ASPM: variants seen among roughly 807,000 people sequenced by gnomAD.
ASPM encodes the protein assembly factor for spindle microtubules, also known as abnormal spindle-like microcephaly-associated protein.
ASPM carries 256 observed loss-of-function variants against 366.4 expected under a neutral mutation model. The ratio of observed to expected loss-of-function variants is 0.70; its 90% confidence interval spans 0.63 to 0.77. The LOEUF is 0.77. Among genes scored for constraint, ASPM ranks in the 30% least tolerant of loss-of-function variants. The pLI, the probability that ASPM is intolerant of heterozygous loss-of-function variation, is 0.00. For missense variants in ASPM, 4,146 were observed against 4,090.4 expected (o/e 1.01, Z -0.37); for synonymous variants, 1,414 against 1,342.9 (o/e 1.05, Z -1.16).
chr1:197,110,508 A>C (rs940338839), intron 17 of ASPM, among the ~76,000 whole-genome samples: 3 of 152,088 alleles, frequency 2.0e-5, no homozygotes, highest in Non-Finnish European at 2.9e-5. Flanking sequence ...CCATAAAAGA[A>C]GAAAAGTGAT....
chr1:197,110,425 A>G (rs1484288980), intron 17 of ASPM, among the ~76,000 whole-genome samples: 3 of 152,114 alleles, frequency 2.0e-5, no homozygotes, highest in Non-Finnish European at 4.4e-5. Context: ...CACAAAATAC[A>G]TCATAGGTCA....
chr1:197,129,359 A>G, intron 8 of ASPM, 42 bp from the exon 9 acceptor site: 1 of 1,596,498 alleles, frequency 6.3e-7, no homozygotes, highest in Non-Finnish European at 8.6e-7. Flanking sequence ...TAATCTATGA[A>G]AGGTAGGTTT....
At chr1:197,121,595 CA>C (rs1275244851) in intron 16 of ASPM, among the ~76,000 whole-genome samples, 1 of 152,002 alleles carries the variant, frequency 6.6e-6, no homozygotes, top group African/African-American at 2.4e-5. Context: ...GGTTAGATTC[CA>C]ACAGGAGGAA....
At position 197,139,773 on chromosome 1, in the gene ASPM, TTAATG is replaced by T; in HGVS notation, c.2015_2019del (p.Pro672GlnfsTer19). 1 of 1,596,414 alleles carries T rather than the reference TTAATG, an allele frequency of 6.3e-7. No homozygotes were observed. Among genetic ancestry groups the T allele is most frequent in the Non-Finnish European group, 8.6e-7 (1 of 1,163,904 alleles). ...AAGTATAATAAATACTTGCCTGTTT[TTAATG>T]GTTTTATGAAGGTCAAACTGGACTG... On this transcript the variant is annotated frameshift_variant, in exon 4 of 28. Transcript: ENST00000367409. LOFTEE classifies it high-confidence loss of function.
At position 197,103,541 on chromosome 1, in the gene ASPM, T is replaced by C. The variant is rs768910486; in HGVS notation, c.5710A>G (p.Ile1904Val). Residue 1904 changes from isoleucine to valine, a missense_variant, in exon 18 of 28, where the codon ATT (isoleucine) becomes GTT (valine). This residue lies in a region of ASPM where 3,624 missense variants were observed against 3,591.7 expected (regional missense o/e 1.01). Coordinates refer to ENST00000367409, the MANE Select transcript of ASPM (RefSeq NM_018136.5). ...TTGGCCATTCTAAAAGCAGACTGAA[T>C]CTTCAAGGCAGCTTGATGTTCCCTT... ...IRREHQAALKIQSAFRMAKAQ... is the reference protein window; with the variant it reads ...IRREHQAALKVQSAFRMAKAQ... 21 of 1,613,214 alleles carry C rather than the reference T, an allele frequency of 1.3e-5. No homozygotes were observed. Among genetic ancestry groups the C allele is most frequent in the Admixed American group, 1.7e-5 (1 of 59,822 alleles).
At chr1:197,098,576 A>G (rs376243697) in intron 18 of ASPM, among the ~76,000 whole-genome samples, 12 of 151,678 alleles carry the variant, frequency 7.9e-5, no homozygotes, top group Non-Finnish European at 1.8e-4. Context: ...TGAACTTCTC[A>G]GTAGTGTTAG....
At chr1:197,128,319 A>C (rs1038158999) in intron 10 of ASPM, among the ~76,000 whole-genome samples, 171 bp downstream of exon 10, 3 of 149,732 alleles carry the variant, frequency 2.0e-5, no homozygotes, top group African/African-American at 7.3e-5. Flanking sequence ...GTTTCTGGAC[A>C]TAACATTGAT....
At chr1:197,092,774 A>T (rs569762033) in intron 21 of ASPM, among the ~76,000 whole-genome samples, 1 of 151,956 alleles carries the variant, frequency 6.6e-6, no homozygotes, top group South Asian at 2.1e-4. Context: ...CCTCTCTCTC[A>T]TATTTTCAGT....
At chr1:197,094,607 T>C (rs1656908416) in intron 19 of ASPM, among the ~76,000 whole-genome samples, 6 of 151,678 alleles carry the variant, frequency 4.0e-5, no homozygotes. Context: ...ACAAGCAGCA[T>C]CAGGTACTTC....
Position 197,144,044 on chromosome 1 carries a change from T to C in ASPM, c.354A>G (p.Val118=). Residue 118 remains valine, a synonymous_variant, in exon 2 of 28, where the codon GTA becomes GTG. Coordinates refer to ENST00000367409, the MANE Select transcript of ASPM (RefSeq NM_018136.5). The part of the protein sequence containing the change: ...VNWTPLKEGR[V]REIMTFLVND... ...TTACAAGAAATGTCATAATCTCTCT[T>C]ACTCGGCCTTCTTTGAGTGGTGTCC... The C allele has an allele frequency of 1.2e-6, 2 of 1,610,968 alleles. No homozygotes were observed. Among genetic ancestry groups the C allele is most frequent in the Non-Finnish European group, 1.7e-6 (2 of 1,177,396 alleles).
Position 197,135,085 on chromosome 1 carries a change from T to G in ASPM, c.2173+11A>C. On this transcript the variant is annotated intron_variant, in intron 5 of 27. Coordinates refer to ENST00000367409, the MANE Select transcript of ASPM (RefSeq NM_018136.5). ...AGTATTATTAAATTTAAACATTAAT[T>G]TAACGTTTACCTTCAGAAATATTTG... 3 of 1,528,350 alleles carry G rather than the reference T, an allele frequency of 2.0e-6. No homozygotes were observed. The highest frequency in any genetic ancestry group is 2.7e-6 in the Non-Finnish European group (3 of 1,108,824). The allele number at this position is 1,528,350 out of a possible 1,614,324, so 94.7% of individuals were successfully genotyped here. A position where few individuals can be genotyped will look rare whatever the true frequency, so the allele number is the denominator to read the frequency against.
rs1486373174 is a variant in ASPM, at chr1:197,124,323, A to T, written c.3177T>A (p.Ile1059=). Residue 1059 remains isoleucine, a synonymous_variant, in exon 13 of 28, where the codon ATT becomes ATA. Transcript: ENST00000367409. Reference sequence around the variant, plus strand: ...CCTTTAATTGATCTAAGTTAAGGGAAATATCCACCTAAAACAAACACAAAA... The same window carrying T: ...CCTTTAATTGATCTAAGTTAAGGGATATATCCACCTAAAACAAACACAAAA... ...WKIAFAFQVD[I]SLNLDQLKEE... The T allele has an allele frequency of 6.4e-7, 1 of 1,565,056 alleles. No homozygotes were observed. Among genetic ancestry groups the T allele is most frequent in the Non-Finnish European group, 8.8e-7 (1 of 1,138,360 alleles).
In ASPM at chr1:197,138,446, G is replaced by A. The variant is rs141962341; in HGVS notation, c.2026+1321C>T. ...CCAAGCAGCTGGGACCACAGGTACC[G>A]GCCACCAAGCCCAGCCAACTCTTGT... On this transcript the variant is annotated intron_variant, in intron 4 of 27. Coordinates refer to ENST00000367409, the MANE Select transcript of ASPM (RefSeq NM_018136.5). Among the ~76,000 whole-genome samples the A allele has an allele frequency of 7.4e-4, 113 of 152,182 alleles. 1 individual carries two copies. In the East Asian group the frequency reaches 0.021, roughly 28 times the overall value.
chr1:197,137,552 G>A (rs1430841011), intron 4 of ASPM, among the ~76,000 whole-genome samples: 11 of 152,160 alleles, frequency 7.2e-5, no homozygotes, highest in Non-Finnish European at 1.2e-4. Context: ...CACAATCTCT[G>A]TTCACTGCAC....
chr1:197,128,531 A>G lies in ASPM; in HGVS notation c.2895T>C (p.Val965=), dbSNP rs557207658. 6.8e-6 allele frequency: 11 copies of G among 1,613,928 alleles called. No homozygotes were observed. The highest frequency in any genetic ancestry group is 2.2e-5 in the East Asian group (1 of 44,864). The change falls in exon 10 of 28, where the codon GTT becomes GTC. Residue 965 remains valine, a synonymous_variant. Transcript: ENST00000367409. Reference sequence around the variant, plus strand: ...ATTGCAAGTCTACGGCAAGATTTGTAACGGCAAAATCAAATTCATCAAATG... The same window carrying G: ...ATTGCAAGTCTACGGCAAGATTTGTGACGGCAAAATCAAATTCATCAAATG... ...QTPFDEFDFA[V]TNLAVDLQCG...
In ASPM at chr1:197,102,277, C is replaced by T; in HGVS notation, c.6974G>A (p.Trp2325Ter). 6.2e-7 allele frequency: 1 copy of T among 1,612,734 alleles called. No individual in the cohort carries two copies. The highest frequency in any genetic ancestry group is 2.2e-5 in the East Asian group (1 of 44,806). The part of the protein sequence containing the change: ...VIKIQSSYRR[W>*]MIRKRMREMH... ...CTCTCGCATCCTTTTCCTTATCATC[C>T]ATCTTCTGTATGATGACTGGATTTT... The change falls in exon 18 of 28, where the codon TGG becomes TAG. Residue 2325 changes from tryptophan to a stop codon, truncating the protein, a stop_gained. Coordinates refer to ENST00000367409, the MANE Select transcript of ASPM (RefSeq NM_018136.5). LOFTEE classifies it high-confidence loss of function.
At position 197,129,287 on chromosome 1, in the gene ASPM, A is replaced by T. The variant is rs1658189415; in HGVS notation, c.2660T>A (p.Leu887Ter). The T allele has an allele frequency of 6.2e-7, 1 of 1,613,014 alleles. No individual in the cohort carries two copies. The highest frequency in any genetic ancestry group is 8.5e-7 in the Non-Finnish European group (1 of 1,179,322). Residue 887 changes from leucine (L) to a stop codon, truncating the protein, a stop_gained, in exon 9 of 28, where the codon TTG becomes TAG. Coordinates refer to ENST00000367409, the MANE Select transcript of ASPM (RefSeq NM_018136.5). LOFTEE classifies it high-confidence loss of function. ...ACAGACCAACAACAATAACTTTTTCAATGTAAACTTGGACAAAGCTTCTTC... is the reference window on the plus strand; with the variant it reads ...ACAGACCAACAACAATAACTTTTTCTATGTAAACTTGGACAAAGCTTCTTC... ...GHEEALSKFTLKKLLLLVCFL... is the reference protein window; with the variant it reads ...GHEEALSKFT
Position 197,093,119 on chromosome 1 carries a change from T to C in ASPM, c.9227A>G (p.Tyr3076Cys). The change falls in exon 21 of 28, where the codon TAT (tyrosine) becomes TGT (cysteine). Residue 3076 changes from tyrosine (Y) to cysteine (C), a missense_variant. Coordinates refer to ENST00000367409, the MANE Select transcript of ASPM (RefSeq NM_018136.5). ...REAGKHERIK[Y>C]IEFKKSTVIL... Reference sequence around the variant, plus strand: ...AACTGTAGATTTTTTAAATTCAATATATTTTATCCTTTCATGCTTTCCAGC... The same window carrying C: ...AACTGTAGATTTTTTAAATTCAATACATTTTATCCTTTCATGCTTTCCAGC... 6.2e-7 allele frequency: 1 copy of C among 1,612,348 alleles called. No homozygotes were observed. Among genetic ancestry groups the C allele is most frequent in the Non-Finnish European group, 8.5e-7 (1 of 1,178,860 alleles).
chr1:197,123,892 T>C (rs114139619), intron 13 of ASPM, among the ~76,000 whole-genome samples: 2,382 of 152,250 alleles, frequency 0.016, 49 homozygotes, highest in African/African-American at 0.046. Context: ...ATCTAGGGCA[T>C]ATTTTTCTTT....
Sources: allele counts gnomAD v4.1 joint callset (sites outside exome capture counted in the v4.1 genomes callset), GRCh38; gene constraint gnomAD v4.1.1; regional missense constraint gnomAD v4.1.1; transcripts MANE v1.5; gene names NCBI Gene and HGNC (gene_info 2026-07-23, HGNC 2026-07-21).